The following SH2D4A variants were observed in gnomAD, a reference collection of about 807,000 sequenced individuals.
The protein encoded by SH2D4A is SH2 domain containing 4A, also known as SH2 domain-containing protein 4A.
SH2D4A carries 70 observed loss-of-function variants against 64.7 expected under a neutral mutation model. That is an observed-to-expected ratio of 1.08 (90% CI 0.89 to 1.32). SH2D4A has a LOEUF of 1.32. Among genes scored for constraint, SH2D4A ranks in the 40% most tolerant of loss-of-function variants. The pLI is 0.00. For missense variants in SH2D4A, 706 were observed against 540.1 expected, an observed-to-expected ratio of 1.31 and a Z score of -3.04; for synonymous variants, 268 against 200.7, an observed-to-expected ratio of 1.34 and a Z score of -2.83.
chr8:19,392,084 G>C (rs1023735696), intron 8 of SH2D4A, among the ~76,000 whole-genome samples: 1 of 152,180 alleles, frequency 6.6e-6, no homozygotes, highest in African/African-American at 2.4e-5. Flanking sequence ...GATGGATTAT[G>C]ATGGGAATAA....
intron 1 of SH2D4A, among the ~76,000 whole-genome samples, chr8:19,317,091 C>T (rs2052101401): frequency 6.6e-6 from 1 of 152,162 alleles, no homozygotes; most frequent in Non-Finnish European, 1.5e-5. Context: ...CAGCAGAAGT[C>T]TCAACCCCAG....
chr8:19,359,117 C>T (rs767381830), intron 5 of SH2D4A, among the ~76,000 whole-genome samples: 14 of 152,110 alleles, frequency 9.2e-5, no homozygotes, highest in Non-Finnish European at 1.5e-4. Flanking sequence ...CTCTCAGAGA[C>T]GCAGGACAAG....
intron 1 of SH2D4A, among the ~76,000 whole-genome samples, chr8:19,315,968 T>G (rs1263296911): frequency 6.6e-6 from 1 of 152,168 alleles, no homozygotes; most frequent in Non-Finnish European, 1.5e-5. Flanking sequence ...GGAGGTGAGG[T>G]GACAGCACAG....
At chr8:19,322,806 C>T (rs1342021773) in intron 2 of SH2D4A, among the ~76,000 whole-genome samples, 1 of 151,768 alleles carries the variant, frequency 6.6e-6, no homozygotes, top group Non-Finnish European at 1.5e-5. Context: ...GAGTGACTAG[C>T]TGGGATTATA....
intron 4 of SH2D4A, among the ~76,000 whole-genome samples, chr8:19,344,306 C>T (rs1024577958): frequency 5.9e-5 from 9 of 152,146 alleles, no homozygotes; most frequent in Non-Finnish European, 7.3e-5. Context: ...GGTATATTCA[C>T]ATTGTTGGCC....
intron 4 of SH2D4A, among the ~76,000 whole-genome samples, chr8:19,336,939 T>C (rs185033177): frequency 7.8e-4 from 119 of 152,082 alleles, no homozygotes; most frequent in Middle Eastern, 3.4e-3. Flanking sequence ...CCTTTTTTTT[T>C]CAAAAGTAGG....
intron 1 of SH2D4A, among the ~76,000 whole-genome samples, chr8:19,318,042 A>G (rs2052120328): frequency 6.6e-6 from 1 of 152,156 alleles, no homozygotes; most frequent in African/African-American, 2.4e-5. Flanking sequence ...CTGGGATTAC[A>G]GGCACCCACC....
intron 1 of SH2D4A, among the ~76,000 whole-genome samples, chr8:19,315,244 C>T (rs2052067849): frequency 6.6e-6 from 1 of 152,108 alleles, no homozygotes; most frequent in Non-Finnish European, 1.5e-5. Flanking sequence ...CAAGAGATCC[C>T]CCCACCTCAA....
At chr8:19,390,998 T>C (rs1248127717) in intron 8 of SH2D4A, among the ~76,000 whole-genome samples, 1 of 152,188 alleles carries the variant, frequency 6.6e-6, no homozygotes, top group Non-Finnish European at 1.5e-5. Flanking sequence ...TGAAACAGCC[T>C]GGAATTTCAT....
At chr8:19,394,249 A>G (rs1458884521) in intron 9 of SH2D4A, among the ~76,000 whole-genome samples, 2 of 152,290 alleles carry the variant, frequency 1.3e-5, no homozygotes, top group East Asian at 3.9e-4. Context: ...GCTTCACTCC[A>G]CTGCTCACCT....
intron 8 of SH2D4A, among the ~76,000 whole-genome samples, chr8:19,380,832 T>C (rs1157499756): frequency 6.6e-6 from 1 of 152,186 alleles, no homozygotes; most frequent in African/African-American, 2.4e-5. Flanking sequence ...TTTCTTCTTT[T>C]TCGGGAGTGT....
chr8:19,389,205 A>G lies in SH2D4A; in HGVS notation c.1049-4113A>G, dbSNP rs139378130. The stretch of plus-strand genomic sequence containing the variant: ...ACTGCCCTGTGGGGCAGTCCCTGCC[A>G]CTTGGATTTCCAACCAGAGCCTGCT... On this transcript the variant is annotated intron_variant, in intron 8 of 9. Coordinates refer to ENST00000265807, the MANE Select transcript of SH2D4A (RefSeq NM_022071.4). Among the ~76,000 whole-genome samples the G allele has an allele frequency of 4.2e-3, 642 of 152,240 alleles. 8 individuals carry two copies. The highest frequency in any genetic ancestry group is 0.014 in the African/African-American group (598 of 41,542).
chr8:19,324,745 C>G (rs1446079363), intron 2 of SH2D4A, among the ~76,000 whole-genome samples: 6 of 152,112 alleles, frequency 3.9e-5, no homozygotes, highest in Non-Finnish European at 5.9e-5. Flanking sequence ...TCATAGACTC[C>G]TTTGAAAATT....
At chr8:19,318,783 A>G (rs924153495) in intron 1 of SH2D4A, among the ~76,000 whole-genome samples, 1 of 152,150 alleles carries the variant, frequency 6.6e-6, no homozygotes, top group African/African-American at 2.4e-5. Flanking sequence ...GAAAGTACAT[A>G]ATTTTGTTTA....
rs1477773507 is a variant in SH2D4A, at chr8:19,386,457, C to T, written c.1049-6861C>T. ...GGGAATAGCCCATTAGCTCCAGGCTCTTACTTGGGTTTTTGCAGATGATGC... is the reference window on the plus strand; with the variant it reads ...GGGAATAGCCCATTAGCTCCAGGCTTTTACTTGGGTTTTTGCAGATGATGC... On this transcript the variant is annotated intron_variant, in intron 8 of 9. Transcript: ENST00000265807. Among the ~76,000 whole-genome samples the T allele has an allele frequency of 4.6e-5, 7 of 152,154 alleles. No individual in the cohort carries two copies. The South Asian group carries it at 1.4e-3, about 31-fold the overall frequency.
chr8:19,389,819 A>G (rs1345001865), intron 8 of SH2D4A, among the ~76,000 whole-genome samples: 1 of 152,166 alleles, frequency 6.6e-6, no homozygotes, highest in East Asian at 1.9e-4. Flanking sequence ...GGCTGCAGTG[A>G]GCTGAGATTG....
Position 19,394,823 on chromosome 8 carries a change from A to T in SH2D4A, c.*181A>T. ...TTTTCTGCACAAATACTGGAATTCA[A>T]TGTCAAGAGAAAATGACCTCTGCTC... On this transcript the variant is annotated 3_prime_UTR_variant, in exon 10 of 10. Transcript: ENST00000265807. The T allele has an allele frequency of 2.4e-6, 1 of 409,304 alleles. No homozygotes were observed. The highest frequency in any genetic ancestry group is 4.3e-6 in the Non-Finnish European group (1 of 231,904). The allele number at this position is 409,304 out of a possible 1,614,324, so 25.4% of individuals were successfully genotyped here.
intron 7 of SH2D4A, among the ~76,000 whole-genome samples, chr8:19,365,760 C>T (rs1475688059): frequency 6.6e-6 from 1 of 151,998 alleles, no homozygotes; most frequent in Non-Finnish European, 1.5e-5. Flanking sequence ...TGGGACTTGA[C>T]ACAGGGATGG....
At chr8:19,322,290 G>A (rs191238297) in intron 2 of SH2D4A, among the ~76,000 whole-genome samples, 373 of 152,276 alleles carry the variant, frequency 2.4e-3, no homozygotes, top group African/African-American at 8.7e-3. Flanking sequence ...CTTGTGGGTT[G>A]ACAGGTCACT....
Sources: allele counts gnomAD v4.1 joint callset (sites outside exome capture counted in the v4.1 genomes callset), GRCh38; gene constraint gnomAD v4.1.1; transcripts MANE v1.5; gene names NCBI Gene and HGNC (gene_info 2026-07-23, HGNC 2026-07-21).